CLPB: variants seen among roughly 807,000 people sequenced by gnomAD.
CLPB encodes the protein ClpB family mitochondrial disaggregase, also known as mitochondrial disaggregase.
In CLPB, 40 loss-of-function variants were observed where a neutral mutation model predicts 78.4. The ratio of observed to expected loss-of-function variants is 0.51; its 90% confidence interval spans 0.40 to 0.66. The LOEUF (loss-of-function observed/expected upper bound fraction) is 0.66, where lower values mean the gene tolerates loss of function less well. CLPB is among the 30% of genes least tolerant of loss of function. The pLI is 0.00. For synonymous variants in CLPB, 333 were observed against 348.0 expected, an observed-to-expected ratio of 0.96 and a Z score of 0.48; for missense variants, 780 against 886.9, an observed-to-expected ratio of 0.88 and a Z score of 1.53.
rs1949416280 is a variant in CLPB at position 72,288,585 on chromosome 11, A to G, written c.*4782T>C. The G allele has an allele frequency of 6.6e-6, 1 of 152,260 alleles. No homozygotes were observed. The highest frequency in any genetic ancestry group is 2.4e-5 in the African/African-American group (1 of 41,454). 9.4% of individuals were successfully genotyped at this position (152,260 alleles called of 1,614,324 possible). On this transcript the variant is annotated 3_prime_UTR_variant, in exon 16 of 16. Transcript: ENST00000538039. The stretch of plus-strand genomic sequence containing the variant: ...ACAGCAACATGGGACAAATAAAAAT[A>G]TGCTGAGCAAACAAACAATACTTTT...
At position 72,307,234 on chromosome 11, in the gene CLPB, G is replaced by A; in HGVS notation, c.1087C>T (p.Gln363Ter). 2 of 1,614,110 alleles carry A rather than the reference G, an allele frequency of 1.2e-6. No individual in the cohort carries two copies. Among genetic ancestry groups the A allele is most frequent in the Non-Finnish European group, 1.7e-6 (2 of 1,180,012 alleles). The change falls in exon 9 of 16, where the codon CAG (glutamine) becomes TAG (stop). Residue 363 changes from glutamine to a stop codon, truncating the protein, a stop_gained. Transcript: ENST00000538039. LOFTEE classifies it high-confidence loss of function. The stretch of plus-strand genomic sequence containing the variant: ...TCTTTGTGCATATATTTGGCTGTCT[G>A]CTTGGCCAGCTCTGTTTTTCCTAGT... ...SGIGKTELAKQTAKYMHKDAK... is the reference protein window; with the variant it reads ...SGIGKTELAK
Position 72,294,346 on chromosome 11 carries a change from T to C in CLPB, c.1659A>G (p.Glu553=). ...HSELIQLVNK[E]LNFWAKRAKQ... ...TTACTCTCTTGGCCCAGAAGTTTAG[T>C]TCCTTGTTGACGAGTTGGATGAGCT... Residue 553 remains glutamate (E), a synonymous_variant, in exon 14 of 16, where the codon GAA becomes GAG. Transcript: ENST00000538039. 6.2e-7 allele frequency: 1 copy of C among 1,614,210 alleles called. No individual in the cohort carries two copies. The highest frequency in any genetic ancestry group is 1.3e-5 in the African/African-American group (1 of 75,058).
intron 7 of CLPB, among the ~76,000 whole-genome samples, chr11:72,315,464 C>T (rs1364996686): frequency 1.3e-5 from 2 of 152,182 alleles, no homozygotes; most frequent in African/African-American, 4.8e-5. Flanking sequence ...GCTCCAGTGG[C>T]CCTAGACCAG....
intron 9 of CLPB, among the ~76,000 whole-genome samples, chr11:72,305,711 CA>C (rs1371215150): frequency 2.6e-5 from 4 of 152,194 alleles, no homozygotes; most frequent in African/African-American, 9.7e-5. Context: ...CATCATCCTG[CA>C]CTGGGGTGAA....
chr11:72,424,037 G>C (rs985606977), intron 2 of CLPB, among the ~76,000 whole-genome samples: 1 of 152,176 alleles, frequency 6.6e-6, no homozygotes, highest in Non-Finnish European at 1.5e-5. Flanking sequence ...CATTTATGCT[G>C]TTTATAAACC....
chr11:72,412,900 A>G (rs976058632), intron 2 of CLPB, among the ~76,000 whole-genome samples: 1 of 152,196 alleles, frequency 6.6e-6, no homozygotes, highest in Non-Finnish European at 1.5e-5. Flanking sequence ...GGCCCACATT[A>G]AAGTGCTCAG....
intron 4 of CLPB, among the ~76,000 whole-genome samples, chr11:72,362,138 A>G (rs1950851707): frequency 6.6e-6 from 1 of 152,188 alleles, no homozygotes; most frequent in African/African-American, 2.4e-5. Flanking sequence ...TGCCTGGAAC[A>G]TCTTCCCCTC....
chr11:72,294,813 C>T, intron 12 of CLPB, 120 bp from the exon 13 acceptor site: 1 of 859,102 alleles, frequency 1.2e-6, no homozygotes, highest in Non-Finnish European at 1.9e-6. Context: ...TGGTCCTGGT[C>T]AAGGTCTAAG....
At chr11:72,419,185 T>C (rs1412504845) in intron 2 of CLPB, among the ~76,000 whole-genome samples, 2 of 152,218 alleles carry the variant, frequency 1.3e-5, no homozygotes, top group Non-Finnish European at 2.9e-5. Context: ...GAAAATTCCT[T>C]GGGAGAAAAA....
chr11:72,381,383 T>C (rs1854908070), intron 3 of CLPB, among the ~76,000 whole-genome samples: 1 of 151,872 alleles, frequency 6.6e-6, no homozygotes, highest in East Asian at 1.9e-4. Flanking sequence ...CCATACCCCA[T>C]AGCCCCAGGC....
chr11:72,344,633 T>G (rs959550569), intron 5 of CLPB, among the ~76,000 whole-genome samples: 4 of 152,194 alleles, frequency 2.6e-5, no homozygotes, highest in Admixed American at 2.6e-4. Flanking sequence ...CCCTTATTCC[T>G]TTCTCTCTCT....
Position 72,292,042 on chromosome 11 carries a change from CAAAAAA to C in CLPB, c.*1319_*1324del. The C allele has an allele frequency of 2.5e-5, 1 of 39,430 alleles. No individual in the cohort carries two copies. The highest frequency in any genetic ancestry group is 5.4e-5 in the Non-Finnish European group (1 of 18,378). The allele number at this position is 39,430 out of a possible 1,614,324, so 2.4% of individuals were successfully genotyped here. A position where few individuals can be genotyped will look rare whatever the true frequency, so the allele number is the denominator to read the frequency against. On this transcript the variant is annotated 3_prime_UTR_variant, in exon 16 of 16. Transcript: ENST00000538039. ...TGGGGGACAGAGTGAGACTCTGTCT[CAAAAAA>C]AAAAAAAAAAAAAAAAAGGCAGTCA... is the stretch of plus-strand genomic sequence containing the variant.
rs1446394124 is a variant in CLPB, at chr11:72,294,014, G to A, written c.1785+8C>T. The A allele has an allele frequency of 2.5e-6, 4 of 1,611,942 alleles. No individual in the cohort carries two copies. The highest frequency in any genetic ancestry group is 3.4e-6 in the Non-Finnish European group (4 of 1,178,716). ...GAGGCGCCTCATTTCTCAGGCTCCT[G>A]TGCTCACCTCATGTTTGATGGAGCG... On this transcript the variant is annotated splice_region_variant and intron_variant, in intron 15 of 15. Transcript: ENST00000538039.
rs567524264 is a variant in CLPB at position 72,342,706 on chromosome 11, C to T, written c.776-12902G>A. On this transcript the variant is annotated intron_variant, in intron 5 of 15. Coordinates refer to ENST00000538039, the MANE Select transcript of CLPB (RefSeq NM_001258392.3). ...CCTCAGGCCTCTGCAGTCTTCCCTC[C>T]TGCAAATGACAGCTGAGACCAAAGC... Among the ~76,000 whole-genome samples the T allele has an allele frequency of 3.3e-5, 5 of 152,280 alleles. No homozygotes were observed. In the East Asian group the frequency reaches 9.6e-4, roughly 29 times the overall value.
chr11:72,433,966 T>C, intron 1 of CLPB, 106 bp downstream of exon 1: 1 of 1,383,790 alleles, frequency 7.2e-7, no homozygotes, highest in South Asian at 1.3e-5. Context: ...CTCCAAGACT[T>C]AGGCTCTAAG....
intron 3 of CLPB, among the ~76,000 whole-genome samples, chr11:72,382,116 C>T (rs1407640471): frequency 6.6e-6 from 1 of 152,088 alleles, no homozygotes; most frequent in African/African-American, 2.4e-5. Flanking sequence ...CCAGCCCAGG[C>T]TCCAGGCCAG....
chr11:72,400,413 G>A (rs944173271), intron 3 of CLPB, among the ~76,000 whole-genome samples: 3 of 152,224 alleles, frequency 2.0e-5, no homozygotes, highest in Non-Finnish European at 4.4e-5. Flanking sequence ...TTTGCTAACA[G>A]CTCTGGATAA....
intron 7 of CLPB, chr11:72,311,043 G>A (rs1949836786): frequency 6.6e-6 from 1 of 152,216 alleles, no homozygotes; most frequent in Non-Finnish European, 1.5e-5. Context: ...TGGGCTTGAT[G>A]TGGGTCCCCT....
intron 5 of CLPB, among the ~76,000 whole-genome samples, chr11:72,342,396 G>A (rs574271065): frequency 2.0e-5 from 3 of 152,274 alleles, no homozygotes; most frequent in East Asian, 1.9e-4. Context: ...GTTTTCTAAC[G>A]GTGGATAATG....
Sources: gnomAD v4.1 joint callset for allele counts (sites outside exome capture counted in the v4.1 genomes callset) on GRCh38, gnomAD v4.1.1 for gene constraint, MANE v1.5 for transcripts, NCBI Gene and HGNC (gene_info 2026-07-23, HGNC 2026-07-21) for gene names.